Variants in IFT88 observed in about 807,000 individuals in gnomAD.
IFT88 encodes the protein intraflagellar transport protein 88 homolog.
IFT88 carries 74 observed loss-of-function variants against 119.5 expected under a neutral mutation model. The observed-to-expected ratio is 0.62, with a 90% CI of 0.51 to 0.75. The LOEUF (loss-of-function observed/expected upper bound fraction) is 0.75, where lower values mean the gene tolerates loss of function less well. IFT88 is among the 30% of genes least tolerant of loss of function. The pLI, the probability that IFT88 is intolerant of heterozygous loss-of-function variation, is 0.00. For synonymous variants in IFT88, 279 were observed against 316.7 expected, an observed-to-expected ratio of 0.88 and a Z score of 1.26; for missense variants, 961 against 977.7, an observed-to-expected ratio of 0.98 and a Z score of 0.23.
In IFT88 at chr13:20,630,117, T is replaced by C. The variant is rs529790754; in HGVS notation, c.1300-899T>C. ...CACTCCCAGAATTATTTTCTGTTAC[T>C]GGTTTTGAAAAATTCTGTGCCATTT... is the stretch of plus-strand genomic sequence containing the variant. On this transcript the variant is annotated intron_variant, in intron 15 of 25. Coordinates refer to ENST00000351808, the MANE Select transcript of IFT88 (RefSeq NM_006531.5). Among the ~76,000 whole-genome samples, 3 of 152,376 alleles carry C rather than the reference T, an allele frequency of 2.0e-5. No homozygotes were observed. In the East Asian group the frequency reaches 5.8e-4, roughly 29 times the overall value.
Position 20,625,779 on chromosome 13 carries a change from A to T in IFT88, c.1229A>T (p.Tyr410Phe). 1 of 1,606,570 alleles carries T rather than the reference A, an allele frequency of 6.2e-7. No individual in the cohort carries two copies. Among genetic ancestry groups the T allele is most frequent in the Non-Finnish European group, 8.5e-7 (1 of 1,177,848 alleles). The stretch of plus-strand genomic sequence containing the variant: ...GTGGAAGTGGTGAAAGCTTCTCAAT[A>T]TGTAGAGCTAGCCAATGATCTGGAA... ...WCVEVVKASQ[Y>F]VELANDLEIN... Residue 410 changes from tyrosine (Y) to phenylalanine (F), a missense_variant, in exon 15 of 26, where the codon TAT (tyrosine) becomes TTT (phenylalanine). Physicochemically the swap from Tyr to Phe is conservative, Grantham distance 22. Coordinates refer to ENST00000351808, the MANE Select transcript of IFT88 (RefSeq NM_006531.5).
Position 20,583,026 on chromosome 13 carries a change from G to GA in IFT88, c.153+14dup. On this transcript the variant is annotated splice_region_variant and intron_variant, in intron 3 of 25. Transcript: ENST00000351808. ...TCATGGCAGAAGACCTCCAGTAAGT[G>GA]AAAAAAATTTTTTTTAAATTGTGGT... 4 of 1,591,624 alleles carry GA rather than the reference G, an allele frequency of 2.5e-6. No homozygotes were observed. The highest frequency in any genetic ancestry group is 1.4e-5 in the African/African-American group (1 of 73,896).
chr13:20,634,219 A>G (rs2048656410), intron 16 of IFT88, among the ~76,000 whole-genome samples: 1 of 152,206 alleles, frequency 6.6e-6, no homozygotes, highest in African/African-American at 2.4e-5. Context: ...CAAAACAAAC[A>G]TGAGAGAGAA....
rs780723603 is a variant in IFT88 at position 20,591,015 on chromosome 13, A to C, written c.259A>C (p.Ile87Leu). ...SSIGRPMTGA[I>L]QDGVTRPMTA... ...AATAGGAAGACCAATGACAGGGGCT[A>C]TTCAGGTATCTCTATTGGATGCATG... The change falls in exon 5 of 26, where the codon ATT (isoleucine) becomes CTT (leucine). Residue 87 changes from isoleucine (I) to leucine (L), a missense_variant. Ile to Leu is a conservative substitution (Grantham distance 5, BLOSUM62 2). Coordinates refer to ENST00000351808, the MANE Select transcript of IFT88 (RefSeq NM_006531.5). The C allele has an allele frequency of 1.2e-6, 2 of 1,608,194 alleles. No individual in the cohort carries two copies. The highest frequency in any genetic ancestry group is 1.7e-6 in the Non-Finnish European group (2 of 1,176,086).
chr13:20,676,222 A>G (rs932810535), intron 24 of IFT88, among the ~76,000 whole-genome samples: 1 of 152,150 alleles, frequency 6.6e-6, no homozygotes, highest in Admixed American at 6.6e-5. Context: ...CATTCATTCA[A>G]CATCCATGGA....
At chr13:20,658,199 A>G (rs1324459075) in intron 22 of IFT88, among the ~76,000 whole-genome samples, 1 of 151,442 alleles carries the variant, frequency 6.6e-6, no homozygotes, top group African/African-American at 2.4e-5. Context: ...TGGGTTGAAG[A>G]GATTCTCCTG....
chr13:20,574,610 C>T (rs1243918851), intron 2 of IFT88, 135 bp downstream of exon 2: 1 of 472,976 alleles, frequency 2.1e-6, no homozygotes. Context: ...AGTGCTATTA[C>T]AGAAGACTCT....
intron 24 of IFT88, among the ~76,000 whole-genome samples, chr13:20,682,495 C>T (rs2057436352): frequency 2.0e-5 from 3 of 152,248 alleles, no homozygotes; most frequent in Admixed American, 2.0e-4. Flanking sequence ...ATTAATGTCC[C>T]CTGGTAATTT....
At chr13:20,686,164 A>G (rs1290371416) in intron 24 of IFT88, among the ~76,000 whole-genome samples, 2 of 152,274 alleles carry the variant, frequency 1.3e-5, no homozygotes, top group African/African-American at 4.8e-5. Flanking sequence ...AGCTCCATAG[A>G]CTTGGATCAC....
chr13:20,608,785 A>C (rs1323354766), intron 13 of IFT88, among the ~76,000 whole-genome samples: 1 of 152,156 alleles, frequency 6.6e-6, no homozygotes, highest in Admixed American at 6.5e-5. Context: ...GTGAAAAGCG[A>C]TTGCAATTAG....
intron 24 of IFT88, among the ~76,000 whole-genome samples, chr13:20,684,849 A>C (rs1468214667): frequency 1.3e-5 from 2 of 152,184 alleles, no homozygotes; most frequent in East Asian, 3.8e-4. Context: ...CACGTTCTCC[A>C]ACTGTCGCTT....
At chr13:20,661,026 C>G (rs1044017367) in intron 22 of IFT88, among the ~76,000 whole-genome samples, 13 of 152,142 alleles carry the variant, frequency 8.5e-5, no homozygotes, top group African/African-American at 2.2e-4. Context: ...CATTTGTTCC[C>G]CAGAACTTTT....
intron 22 of IFT88, among the ~76,000 whole-genome samples, chr13:20,662,108 A>C (rs546094589): frequency 1.3e-5 from 2 of 152,218 alleles, no homozygotes; most frequent in Admixed American, 1.3e-4. Context: ...TAATTCTGGG[A>C]CGAAGCTTCC....
intron 24 of IFT88, among the ~76,000 whole-genome samples, chr13:20,683,420 G>C (rs2057537893): frequency 6.6e-6 from 1 of 152,070 alleles, no homozygotes; most frequent in African/African-American, 2.4e-5. Context: ...AGTTGCTCAG[G>C]AATTAGAACT....
chr13:20,688,439 A>G lies in IFT88; in HGVS notation c.2243-2266A>G, dbSNP rs2058173245. Reference sequence around the variant, plus strand: ...AGCTCTTTTGATAATTCCTAACCATAAGTAAGCCTTCACTCACATAGTTTT... The same window carrying G: ...AGCTCTTTTGATAATTCCTAACCATGAGTAAGCCTTCACTCACATAGTTTT... On this transcript the variant is annotated intron_variant, in intron 24 of 25. Transcript: ENST00000351808. Among the ~76,000 whole-genome samples, 3 of 152,222 alleles carry G rather than the reference A, an allele frequency of 2.0e-5. No homozygotes were observed. In the South Asian group the frequency reaches 6.2e-4, roughly 31 times the overall value.
chr13:20,635,006 G>A (rs916231837), intron 16 of IFT88, among the ~76,000 whole-genome samples: 13 of 136,946 alleles, frequency 9.5e-5, no homozygotes, highest in Non-Finnish European at 1.8e-4. Context: ...GTGTCCATGT[G>A]TTCTCATTGT....
At chr13:20,605,423 CTTTG>C (rs2043259817) in intron 13 of IFT88, among the ~76,000 whole-genome samples, 1 of 152,088 alleles carries the variant, frequency 6.6e-6, no homozygotes, top group Non-Finnish European at 1.5e-5. Flanking sequence ...ATTATTGGAA[CTTTG>C]TTTATCTTAC....
chr13:20,630,976 A>T, intron 15 of IFT88, 40 bp from the exon 16 acceptor site: 1 of 1,188,084 alleles, frequency 8.4e-7, no homozygotes, highest in East Asian at 2.6e-5. Flanking sequence ...GAGTACTGTC[A>T]TATTACAGTG....
At chr13:20,602,006 C>T (rs2042667534) in intron 12 of IFT88, 73 bp downstream of exon 12, 4 of 832,692 alleles carry the variant, frequency 4.8e-6, no homozygotes, top group Non-Finnish European at 7.7e-6. Flanking sequence ...AATGAGAAAG[C>T]CAGAATAGAT....
Sources: allele counts gnomAD v4.1 joint callset (sites outside exome capture counted in the v4.1 genomes callset), GRCh38; gene constraint gnomAD v4.1.1; transcripts MANE v1.5; gene names NCBI Gene and HGNC (gene_info 2026-07-23, HGNC 2026-07-21).